Variants in IMMT observed in about 807,000 individuals in gnomAD.
IMMT encodes inner membrane mitochondrial protein.
In IMMT, 40 loss-of-function variants were observed where a neutral mutation model predicts 92.7. The ratio of observed to expected loss-of-function variants is 0.43; its 90% CI spans 0.34 to 0.56. IMMT has a LOEUF of 0.56. Among genes scored for constraint, IMMT ranks in the 20% least tolerant of loss-of-function variants. The pLI is 0.03. For missense variants in IMMT, 831 were observed against 912.1 expected, an observed-to-expected ratio of 0.91 and a Z score of 1.14; for synonymous variants, 322 against 336.1, an observed-to-expected ratio of 0.96 and a Z score of 0.46.
At chr2:86,162,258 T>C (rs957855109) in intron 7 of IMMT, among the ~76,000 whole-genome samples, 179 bp from the exon 8 acceptor site, 2 of 151,974 alleles carry the variant, frequency 1.3e-5, no homozygotes, top group South Asian at 4.1e-4. Context: ...AGGCTTATGA[T>C]CTGCCCACAT....
intron 10 of IMMT, 47 bp downstream of exon 10, chr2:86,158,545 T>A (rs1057893): frequency 6.8e-7 from 1 of 1,466,904 alleles, no homozygotes; most frequent in Non-Finnish European, 9.3e-7. Flanking sequence ...ATTCATTGAT[T>A]AGTGGTTAAA....
chr2:86,159,300 G>T (rs554877522), intron 9 of IMMT: 2 of 549,090 alleles, frequency 3.6e-6, no homozygotes, highest in South Asian at 3.5e-5. Context: ...GCCCAGGCTG[G>T]TCTCAAACTC....
At chr2:86,178,312 C>T (rs1489828818) in intron 3 of IMMT, among the ~76,000 whole-genome samples, 1 of 122,636 alleles carries the variant, frequency 8.2e-6, no homozygotes, top group African/African-American at 3.3e-5. Flanking sequence ...AGCAAGACTC[C>T]ATCTCAAAAA....
At chr2:86,190,576 G>A (rs1673053937) in intron 1 of IMMT, among the ~76,000 whole-genome samples, 2 of 152,148 alleles carry the variant, frequency 1.3e-5, no homozygotes, top group South Asian at 4.1e-4. Flanking sequence ...AAGAAAGATG[G>A]TGTTAGGTCT....
At chr2:86,164,689 C>CAAAAAAAAAAAAAAAAAAAAAAAA in intron 7 of IMMT, among the ~76,000 whole-genome samples, 1 of 111,420 alleles carries the variant, frequency 9.0e-6, no homozygotes, top group African/African-American at 3.6e-5. Context: ...GACTCTGTCT[C>CAAAAAAAAAAAAAAAAAAAAAAAA]AAAAAAAAAA....
At chr2:86,161,810 G>A (rs959094715) in intron 8 of IMMT, 166 bp downstream of exon 8, 25 of 550,994 alleles carry the variant, frequency 4.5e-5, no homozygotes, top group Middle Eastern at 5.3e-4. Flanking sequence ...CACCGTGCCC[G>A]GCCTGTACAA....
intron 12 of IMMT, among the ~76,000 whole-genome samples, chr2:86,149,697 G>A (rs1308942089): frequency 6.6e-6 from 1 of 152,010 alleles, no homozygotes; most frequent in Non-Finnish European, 1.5e-5. Flanking sequence ...GGCCAACATG[G>A]CAAAACCCCG....
At chr2:86,194,683 T>TA (rs1247017970) in intron 1 of IMMT, among the ~76,000 whole-genome samples, 3 of 152,176 alleles carry the variant, frequency 2.0e-5, no homozygotes, top group Non-Finnish European at 4.4e-5. Flanking sequence ...AATGTCAAAG[T>TA]AGTCCCAGCG....
intron 10 of IMMT, among the ~76,000 whole-genome samples, chr2:86,155,391 G>T (rs539285560): frequency 6.7e-6 from 1 of 149,228 alleles, no homozygotes; most frequent in Admixed American, 6.7e-5. Flanking sequence ...TAGTGCTAGT[G>T]GGGGAGAATG....
At chr2:86,153,341 A>ACT (rs1675619006) in intron 11 of IMMT, among the ~76,000 whole-genome samples, 1 of 147,726 alleles carries the variant, frequency 6.8e-6, no homozygotes, top group South Asian at 2.2e-4. Flanking sequence ...ACACACACAC[A>ACT]CTTCACATCT....
chr2:86,184,374 CTA>C (rs1279872765), intron 1 of IMMT, among the ~76,000 whole-genome samples: 1 of 152,076 alleles, frequency 6.6e-6, no homozygotes, highest in Admixed American at 6.6e-5. Context: ...GCCAGGTCTG[CTA>C]TGTTACCCAA....
At chr2:86,167,140 GGAT>G (rs1191261762) in intron 6 of IMMT, among the ~76,000 whole-genome samples, 36 of 148,958 alleles carry the variant, frequency 2.4e-4, no homozygotes, top group African/African-American at 7.6e-4. Flanking sequence ...AATTTAGTCT[GGAT>G]GATAAATCTA....
At chr2:86,173,847 T>A in intron 3 of IMMT, 86 bp from the exon 4 acceptor site, 1 of 681,106 alleles carries the variant, frequency 1.5e-6, no homozygotes, top group Non-Finnish European at 2.5e-6. Context: ...AAATGCCAAG[T>A]CTTTCAGGCT....
intron 11 of IMMT, among the ~76,000 whole-genome samples, chr2:86,152,606 C>A (rs1339822630): frequency 6.6e-6 from 1 of 151,636 alleles, no homozygotes; most frequent in African/African-American, 2.4e-5. Context: ...ACTAAAAATA[C>A]AAAAATTAGC....
chr2:86,189,807 G>A (rs1167877955), intron 1 of IMMT, among the ~76,000 whole-genome samples: 1 of 152,042 alleles, frequency 6.6e-6, no homozygotes, highest in Non-Finnish European at 1.5e-5. Context: ...ATTTAAAATA[G>A]TTTATAAGAA....
At chr2:86,146,632 G>A (rs1017234913) in intron 13 of IMMT, among the ~76,000 whole-genome samples, 2 of 152,124 alleles carry the variant, frequency 1.3e-5, no homozygotes, top group African/African-American at 4.8e-5. Flanking sequence ...CAAAGTGCTG[G>A]GATTACAGGC....
chr2:86,194,080 G>C (rs999351252), intron 1 of IMMT, among the ~76,000 whole-genome samples: 1 of 152,236 alleles, frequency 6.6e-6, no homozygotes, highest in South Asian at 2.1e-4. Context: ...CTGTAGGCAG[G>C]CTGTAGAAGC....
chr2:86,156,973 A>G (rs944352343), intron 10 of IMMT, among the ~76,000 whole-genome samples: 1 of 152,228 alleles, frequency 6.6e-6, no homozygotes, highest in Non-Finnish European at 1.5e-5. Flanking sequence ...AATCAGGGAA[A>G]GTCTCTCAGG....
intron 1 of IMMT, among the ~76,000 whole-genome samples, chr2:86,182,805 T>C (rs1239947444): frequency 6.6e-6 from 1 of 151,696 alleles, no homozygotes; most frequent in Non-Finnish European, 1.5e-5. Flanking sequence ...GAGCCAAGAC[T>C]GTGTCACTCC....
Sources: allele counts gnomAD v4.1 joint callset (sites outside exome capture counted in the v4.1 genomes callset), GRCh38; gene constraint gnomAD v4.1.1; transcripts MANE v1.5; gene names NCBI Gene and HGNC (gene_info 2026-07-23, HGNC 2026-07-21).